The following SRPK2 variants were observed in gnomAD, a reference collection of about 807,000 sequenced individuals.
The protein encoded by SRPK2 is SRSF protein kinase 2, also known as SFRS protein kinase 2.
In SRPK2, 21 loss-of-function variants were observed where a neutral mutation model predicts 90.8. That is an observed-to-expected ratio of 0.23 (90% CI 0.16 to 0.33). SRPK2 has a LOEUF of 0.33. Among genes scored for constraint, SRPK2 ranks in the 10% least tolerant of loss-of-function variants. The pLI is 1.00. For missense variants in SRPK2, 620 were observed against 869.0 expected, an observed-to-expected ratio of 0.71 and a Z score of 3.60; for synonymous variants, 288 against 311.1, an observed-to-expected ratio of 0.93 and a Z score of 0.78.
chr7:105,266,949 T>C (rs546015261), intron 2 of SRPK2, among the ~76,000 whole-genome samples: 146 of 152,184 alleles, frequency 9.6e-4, no homozygotes, highest in Non-Finnish European at 1.6e-3. Context: ...ACTTCTATGT[T>C]TGCAAAGTGT....
chr7:105,225,317 A>G (rs1268740063), intron 2 of SRPK2, among the ~76,000 whole-genome samples: 1 of 152,204 alleles, frequency 6.6e-6, no homozygotes, highest in African/African-American at 2.4e-5. Context: ...TCCTCTTTCA[A>G]TATGTATTGG....
At chr7:105,356,163 A>G (rs1817761040) in intron 2 of SRPK2, among the ~76,000 whole-genome samples, 1 of 152,084 alleles carries the variant, frequency 6.6e-6, no homozygotes, top group South Asian at 2.1e-4. Context: ...TGGCTTCAAT[A>G]CCTCTATTTC....
intron 2 of SRPK2, among the ~76,000 whole-genome samples, chr7:105,325,529 A>AT (rs1435505733): frequency 7.5e-6 from 1 of 132,478 alleles, no homozygotes; most frequent in Non-Finnish European, 1.6e-5. Flanking sequence ...TAATGGCATC[A>AT]TTTTCCCCTA....
chr7:105,184,422 A>G (rs1271171864), intron 3 of SRPK2, among the ~76,000 whole-genome samples: 1 of 152,226 alleles, frequency 6.6e-6, no homozygotes, highest in East Asian at 1.9e-4. Context: ...TTTCTATGGA[A>G]ACCAAATACA....
intron 2 of SRPK2, among the ~76,000 whole-genome samples, chr7:105,363,510 T>C (rs962143275): frequency 2.0e-5 from 3 of 152,062 alleles, no homozygotes; most frequent in Non-Finnish European, 2.9e-5. Flanking sequence ...ATGGCAATCA[T>C]TAAAAAGTCA....
At chr7:105,241,071 T>A (rs773993040) in intron 2 of SRPK2, among the ~76,000 whole-genome samples, 5 of 152,306 alleles carry the variant, frequency 3.3e-5, no homozygotes, top group Admixed American at 2.6e-4. Flanking sequence ...TAAAATAAAT[T>A]AGCTTTAAAA....
chr7:105,244,975 C>G, intron 2 of SRPK2: 2 of 1,197,828 alleles, frequency 1.7e-6, no homozygotes, highest in Non-Finnish European at 2.4e-6. Flanking sequence ...GACTGAGCCC[C>G]CTTCCCTGCC....
At chr7:105,158,172 T>C (rs1391447935) in intron 7 of SRPK2, among the ~76,000 whole-genome samples, 1 of 152,230 alleles carries the variant, frequency 6.6e-6, no homozygotes, top group African/African-American at 2.4e-5. Context: ...ATCTTTCAAC[T>C]TACAGACTCC....
chr7:105,335,059 TA>T (rs1814929518), intron 2 of SRPK2, among the ~76,000 whole-genome samples: 1 of 151,912 alleles, frequency 6.6e-6, no homozygotes, highest in Non-Finnish European at 1.5e-5. Flanking sequence ...TAATCCCAGC[TA>T]ATCAGGAGGC....
chr7:105,331,408 A>G (rs966046135), intron 2 of SRPK2, among the ~76,000 whole-genome samples: 2 of 151,836 alleles, frequency 1.3e-5, no homozygotes, highest in Non-Finnish European at 2.9e-5. Flanking sequence ...CAGATATATC[A>G]AAGAGTTACA....
At chr7:105,349,960 A>G (rs538880870) in intron 2 of SRPK2, among the ~76,000 whole-genome samples, 25 of 150,272 alleles carry the variant, frequency 1.7e-4, no homozygotes, top group African/African-American at 6.1e-4. Context: ...GATGATCTCA[A>G]TCTCCTGAAC....
At chr7:105,168,180 T>C in intron 4 of SRPK2, 85 bp from the exon 5 acceptor site, 1 of 1,169,660 alleles carries the variant, frequency 8.5e-7, no homozygotes, top group East Asian at 2.6e-5. Flanking sequence ...CATCCCTAAT[T>C]GGAAAATGTA....
At chr7:105,312,662 A>T (rs1433075332) in intron 2 of SRPK2, among the ~76,000 whole-genome samples, 4 of 152,154 alleles carry the variant, frequency 2.6e-5, no homozygotes. Flanking sequence ...CTGAATCCAT[A>T]AGTCACTTAA....
intron 2 of SRPK2, among the ~76,000 whole-genome samples, chr7:105,316,782 T>C (rs1276046338): frequency 3.3e-5 from 5 of 152,246 alleles, no homozygotes; most frequent in Admixed American, 6.5e-5. Flanking sequence ...GAGGCAAGCA[T>C]GGCCTAGGGA....
intron 3 of SRPK2, among the ~76,000 whole-genome samples, chr7:105,177,524 A>G (rs1369607814): frequency 6.6e-6 from 1 of 152,194 alleles, no homozygotes; most frequent in African/African-American, 2.4e-5. Context: ...TTTCAACATA[A>G]AAGAGTTAAA....
intron 2 of SRPK2, among the ~76,000 whole-genome samples, chr7:105,372,293 A>T (rs573644312): frequency 6.6e-6 from 1 of 152,276 alleles, no homozygotes; most frequent in Non-Finnish European, 1.5e-5. Flanking sequence ...TTTCTAAATT[A>T]ATGTAAAATT....
At chr7:105,224,793 T>C (rs1172459970) in intron 2 of SRPK2, among the ~76,000 whole-genome samples, 3 of 152,186 alleles carry the variant, frequency 2.0e-5, no homozygotes, top group Non-Finnish European at 4.4e-5. Context: ...ATTCCTATTT[T>C]CTTTCATGAA....
At chr7:105,170,781 A>T (rs1054454300) in intron 3 of SRPK2, among the ~76,000 whole-genome samples, 4 of 71,222 alleles carry the variant, frequency 5.6e-5, no homozygotes, top group Non-Finnish European at 8.1e-5. Context: ...GGAAGGAAGG[A>T]CGGGAGGGAG....
At chr7:105,191,251 T>C (rs774229979) in intron 3 of SRPK2, among the ~76,000 whole-genome samples, 4 of 152,076 alleles carry the variant, frequency 2.6e-5, no homozygotes, top group Admixed American at 6.5e-5. Flanking sequence ...CTGAGACACA[T>C]AGGGAGACCC....
Sources: allele counts gnomAD v4.1 joint callset (sites outside exome capture counted in the v4.1 genomes callset), GRCh38; gene constraint gnomAD v4.1.1; transcripts MANE v1.5; gene names NCBI Gene and HGNC (gene_info 2026-07-23, HGNC 2026-07-21).